Variants in KCNMB4 observed in about 807,000 individuals in gnomAD.
KCNMB4 encodes potassium calcium-activated channel subfamily M regulatory beta subunit 4.
In KCNMB4, 3 loss-of-function variants were observed where a neutral mutation model predicts 20.7. The observed-to-expected ratio is 0.14, with a 90% CI of 0.07 to 0.37. KCNMB4 has a LOEUF of 0.37. KCNMB4 is among the 10% of genes least tolerant of loss of function. KCNMB4 has a pLI of 1.00. For missense variants in KCNMB4, 168 were observed against 265.9 expected (o/e 0.63, Z 2.56); for synonymous variants, 110 against 113.4 (o/e 0.97, Z 0.19).
rs1883500056 is a variant in KCNMB4 at position 70,366,724 on chromosome 12, A to G, written c.-11A>G. On this transcript the variant is annotated 5_prime_UTR_variant, in exon 1 of 3. Coordinates refer to ENST00000258111, the MANE Select transcript of KCNMB4 (RefSeq NM_014505.6). ...CGGGGGGAGCACGCCAGCCGCCGAG[A>G]GTGGGGGGCGATGGCGAAGCTCCGG... 6.5e-7 allele frequency: 1 copy of G among 1,540,924 alleles called. No individual in the cohort carries two copies. Among genetic ancestry groups the G allele is most frequent in the Non-Finnish European group, 8.7e-7 (1 of 1,143,898 alleles).
At chr12:70,384,010 A>C (rs375698483) in intron 1 of KCNMB4, among the ~76,000 whole-genome samples, 12 of 152,308 alleles carry the variant, frequency 7.9e-5, no homozygotes, top group African/African-American at 2.9e-4. Context: ...CAGAAGTTGC[A>C]GTGAGCCGAG....
chr12:70,373,585 T>C (rs1883635899), intron 1 of KCNMB4, among the ~76,000 whole-genome samples: 2 of 152,220 alleles, frequency 1.3e-5, no homozygotes, highest in African/African-American at 4.8e-5. Flanking sequence ...AATTGTAAGA[T>C]AATAAATTTG....
rs565463059 is a variant in KCNMB4, at chr12:70,393,364, A to G, written c.337-6845A>G. On this transcript the variant is annotated intron_variant, in intron 1 of 2. Transcript: ENST00000258111. ...ATTACAGGCTCCTGCCACCATGCCT[A>G]GCTAATTTTTGTTGTTTTAGTAGAG... is the stretch of plus-strand genomic sequence containing the variant. Among the ~76,000 whole-genome samples, 5 of 151,888 alleles carry G rather than the reference A, an allele frequency of 3.3e-5. No homozygotes were observed. In the South Asian group the frequency reaches 8.3e-4, roughly 25 times the overall value.
intron 1 of KCNMB4, among the ~76,000 whole-genome samples, chr12:70,396,106 C>T (rs1461736726): frequency 6.6e-6 from 1 of 152,162 alleles, no homozygotes; most frequent in Non-Finnish European, 1.5e-5. Flanking sequence ...AGGAGGACTA[C>T]ATCAATTCCA....
chr12:70,416,941 CTTCTAGAATGATGATATTA>C (rs1488902764), intron 2 of KCNMB4, among the ~76,000 whole-genome samples: 1 of 152,164 alleles, frequency 6.6e-6, no homozygotes, highest in African/African-American at 2.4e-5. Flanking sequence ...AATTGGGAAT[CTTCTAGAATGATGATATTA>C]TAACAGAAGG....
intron 2 of KCNMB4, among the ~76,000 whole-genome samples, chr12:70,405,917 A>G (rs1217735189): frequency 2.0e-5 from 3 of 152,174 alleles, no homozygotes; most frequent in Non-Finnish European, 4.4e-5. Context: ...AAAATATGGT[A>G]TGTACATACA....
chr12:70,368,002 T>G (rs1449058609), intron 1 of KCNMB4, among the ~76,000 whole-genome samples: 3 of 152,120 alleles, frequency 2.0e-5, no homozygotes, highest in Admixed American at 2.0e-4. Context: ...GTGAACTAAT[T>G]GAGCTTTGTA....
chr12:70,426,256 T>TG (rs1593350053), intron 2 of KCNMB4, among the ~76,000 whole-genome samples: 1 of 148,980 alleles, frequency 6.7e-6, no homozygotes, highest in East Asian at 2.0e-4. Flanking sequence ...ATCGTGCCAC[T>TG]GCACTCCAGC....
Position 70,386,006 on chromosome 12 carries a change from T to C in KCNMB4, c.337-14203T>C, listed in dbSNP as rs2136122376. Among the ~76,000 whole-genome samples, 2 of 152,310 alleles carry C rather than the reference T, an allele frequency of 1.3e-5. 1 individual carries two copies. The highest frequency in any genetic ancestry group is 4.1e-4 in the South Asian group (2 of 4,834). ...AAAACTTCCAAATTCTTTTCATATA[T>C]TTATGATTACATTGAAACAAAAACC... On this transcript the variant is annotated intron_variant, in intron 1 of 2. Transcript: ENST00000258111.
chr12:70,394,233 T>C (rs1312306616), intron 1 of KCNMB4, among the ~76,000 whole-genome samples: 1 of 143,298 alleles, frequency 7.0e-6, no homozygotes, highest in African/African-American at 2.7e-5. Flanking sequence ...GCAGGAGAGC[T>C]GTTAATAATG....
intron 2 of KCNMB4, among the ~76,000 whole-genome samples, chr12:70,412,126 T>C (rs1457826774): frequency 1.3e-5 from 2 of 151,986 alleles, no homozygotes; most frequent in Admixed American, 6.6e-5. Context: ...TTGATAGGGG[T>C]TGAGGTTAAG....
At chr12:70,401,529 G>A (rs1013393569) in intron 2 of KCNMB4, among the ~76,000 whole-genome samples, 14 of 152,064 alleles carry the variant, frequency 9.2e-5, no homozygotes, top group African/African-American at 3.4e-4. Context: ...AGGTTACTCT[G>A]CATAGTTTTC....
intron 1 of KCNMB4, among the ~76,000 whole-genome samples, chr12:70,373,661 G>A (rs1465702880): frequency 2.0e-5 from 3 of 152,232 alleles, no homozygotes; most frequent in Admixed American, 1.3e-4. Flanking sequence ...AGTCAAGGAC[G>A]GTTTTTGAGT....
At chr12:70,384,125 C>G (rs1883844470) in intron 1 of KCNMB4, among the ~76,000 whole-genome samples, 1 of 152,118 alleles carries the variant, frequency 6.6e-6, no homozygotes, top group Admixed American at 6.5e-5. Context: ...TCCACTGTGA[C>G]CTCATCTTAA....
intron 1 of KCNMB4, among the ~76,000 whole-genome samples, chr12:70,369,254 T>A (rs1289411201): frequency 1.3e-5 from 2 of 152,246 alleles, no homozygotes; most frequent in Non-Finnish European, 2.9e-5. Context: ...TTCTTTAGCA[T>A]CACCTTTCTA....
intron 1 of KCNMB4, among the ~76,000 whole-genome samples, chr12:70,380,066 C>G (rs1883757038): frequency 6.6e-6 from 1 of 152,198 alleles, no homozygotes; most frequent in African/African-American, 2.4e-5. Context: ...TTGATGTGCT[C>G]TCCTCATTAA....
chr12:70,395,887 T>C (rs1236455502), intron 1 of KCNMB4, among the ~76,000 whole-genome samples: 5 of 152,178 alleles, frequency 3.3e-5, no homozygotes, highest in African/African-American at 1.2e-4. Flanking sequence ...TATGAAGAAA[T>C]TTCTCTAAGG....
intron 1 of KCNMB4, among the ~76,000 whole-genome samples, chr12:70,379,434 T>G (rs1883745320): frequency 6.6e-6 from 1 of 152,180 alleles, no homozygotes; most frequent in Non-Finnish European, 1.5e-5. Context: ...TTTTTTTTTC[T>G]TTTTGAGACA....
rs1213180288 is a variant in KCNMB4 at position 70,411,759 on chromosome 12, C to T, written c.464+11423C>T. Among the ~76,000 whole-genome samples, 9 of 152,204 alleles carry T rather than the reference C, an allele frequency of 5.9e-5. No homozygotes were observed. The East Asian group carries it at 1.5e-3, about 26-fold the overall frequency. The stretch of plus-strand genomic sequence containing the variant: ...AGGAGTTTAAGGCTAGCCTGGGCAG[C>T]ATAGGGAGACCCTGTCTAAAAAAAG... On this transcript the variant is annotated intron_variant, in intron 2 of 2. Coordinates refer to ENST00000258111, the MANE Select transcript of KCNMB4 (RefSeq NM_014505.6).
Sources: allele counts gnomAD v4.1 joint callset (sites outside exome capture counted in the v4.1 genomes callset), GRCh38; gene constraint gnomAD v4.1.1; transcripts MANE v1.5; gene names NCBI Gene and HGNC (gene_info 2026-07-23, HGNC 2026-07-21).